Variants in UACA observed in about 807,000 individuals in gnomAD.
UACA encodes nuclear membrane binding protein.
In UACA, 112 loss-of-function variants were observed where a neutral mutation model predicts 160.5. The observed-to-expected ratio is 0.70, with a 90% CI of 0.60 to 0.82. UACA has a LOEUF of 0.82. UACA is among the 40% of genes least tolerant of loss of function. The pLI, the probability that UACA is intolerant of heterozygous loss-of-function variation, is 0.00. For missense variants in UACA, 1,574 were observed against 1,614.6 expected, an observed-to-expected ratio of 0.97 and a Z score of 0.43; for synonymous variants, 557 against 568.4, an observed-to-expected ratio of 0.98 and a Z score of 0.29.
intron 2 of UACA, among the ~76,000 whole-genome samples, chr15:70,695,417 G>A (rs1898095518): frequency 6.6e-6 from 1 of 151,660 alleles, no homozygotes; most frequent in Admixed American, 6.6e-5. Context: ...AAGCATTGCT[G>A]CTTGGATCTT....
intron 1 of UACA, among the ~76,000 whole-genome samples, chr15:70,724,088 T>C (rs895621435): frequency 7.2e-5 from 11 of 152,216 alleles, no homozygotes; most frequent in Non-Finnish European, 2.9e-5. Flanking sequence ...TCCCCCCACT[T>C]TTCTGTCTAC....
chr15:70,762,519 G>A (rs2030828080), intron 1 of UACA, among the ~76,000 whole-genome samples: 1 of 152,168 alleles, frequency 6.6e-6, no homozygotes, highest in African/African-American at 2.4e-5. Flanking sequence ...CGGTCAGGCT[G>A]TTTCTCAAGA....
chr15:70,657,117 T>C lies in UACA; in HGVS notation c.4190A>G (p.Asp1397Gly). 1.2e-6 allele frequency: 2 copies of C among 1,614,064 alleles called. No homozygotes were observed. Among genetic ancestry groups the C allele is most frequent in the Non-Finnish European group, 1.7e-6 (2 of 1,179,928 alleles). Residue 1397 changes from aspartate (D) to glycine (G), a missense_variant, in exon 19 of 19, where the codon GAT becomes GGT. Physicochemically the swap from Asp to Gly is moderately conservative, Grantham distance 94. Coordinates refer to ENST00000322954, the MANE Select transcript of UACA (RefSeq NM_018003.4). ...GAGCAGAGCCTCCTGAACATCTTCA[T>C]CCATGTGACCCTTCGGAGAAAGAAG... The part of the protein sequence containing the change: ...HLLSAAQGHM[D>G]EDVQEALLQI...
At chr15:70,719,191 T>TA (rs989878894) in intron 1 of UACA, among the ~76,000 whole-genome samples, 1 of 151,586 alleles carries the variant, frequency 6.6e-6, no homozygotes, top group Non-Finnish European at 1.5e-5. Context: ...CAAGTAAGGA[T>TA]AAAAAAAGAG....
At chr15:70,711,157 C>A (rs1243199503) in intron 1 of UACA, among the ~76,000 whole-genome samples, 1 of 152,140 alleles carries the variant, frequency 6.6e-6, no homozygotes, top group Non-Finnish European at 1.5e-5. Context: ...TTTCTTGTTA[C>A]ATCATAATAT....
chr15:70,660,279 A>G (rs1176098372), intron 17 of UACA, 63 bp from the exon 18 acceptor site: 4 of 1,367,000 alleles, frequency 2.9e-6, no homozygotes, highest in African/African-American at 2.9e-5. Context: ...ACTTTGGACA[A>G]TGCTCAGGCT....
At chr15:70,768,688 T>C in the UACA span, among the ~76,000 whole-genome samples, 1 of 152,212 alleles carries the variant, frequency 6.6e-6, no homozygotes, top group Non-Finnish European at 1.5e-5. Flanking sequence ...GACTCCATAG[T>C]AAACTTTCCT....
In UACA at chr15:70,656,270, A is replaced by C. The variant is rs1198725509; in HGVS notation, c.*786T>G. 6.6e-6 allele frequency: 1 copy of C among 152,184 alleles called. No homozygotes were observed. Among genetic ancestry groups the C allele is most frequent in the Non-Finnish European group, 1.5e-5 (1 of 68,016 alleles). 9.4% of individuals were successfully genotyped at this position (152,184 alleles called of 1,614,324 possible). A position where few individuals can be genotyped will look rare whatever the true frequency, so the allele number is the denominator to read the frequency against. On this transcript the variant is annotated 3_prime_UTR_variant, in exon 19 of 19. Transcript: ENST00000322954. ...CGAATGTCAAACTAATTGCTAAAAA[A>C]AGTCTAAAGGTTTTCACACTTTGAA...
At chr15:70,746,662 C>T (rs1021633813) in intron 1 of UACA, among the ~76,000 whole-genome samples, 4 of 152,014 alleles carry the variant, frequency 2.6e-5, no homozygotes, top group South Asian at 2.1e-4. Context: ...TAAATCATTC[C>T]ACTATAAAGA....
intron 16 of UACA, 173 bp from the exon 17 acceptor site, chr15:70,664,987 T>C (rs537855165): frequency 6.4e-6 from 3 of 467,522 alleles, no homozygotes; most frequent in South Asian, 1.1e-4. Flanking sequence ...ATGTAATTTA[T>C]AATTAAATCC....
chr15:70,771,398 T>A, the UACA span, among the ~76,000 whole-genome samples: 1 of 152,264 alleles, frequency 6.6e-6, no homozygotes, highest in Non-Finnish European at 1.5e-5. Context: ...GCTTTCCTGC[T>A]GCTACATTCT....
chr15:70,718,423 T>C (rs909227098), intron 1 of UACA, among the ~76,000 whole-genome samples: 2 of 150,030 alleles, frequency 1.3e-5, no homozygotes, highest in African/African-American at 4.9e-5. Flanking sequence ...CCATGTGATA[T>C]GTTTGGCCAA....
At chr15:70,750,170 T>C (rs904821499) in intron 1 of UACA, among the ~76,000 whole-genome samples, 1 of 152,158 alleles carries the variant, frequency 6.6e-6, no homozygotes, top group East Asian at 1.9e-4. Flanking sequence ...AATTCTTGCC[T>C]ATAATATTTC....
intron 12 of UACA, 94 bp downstream of exon 12, chr15:70,677,014 G>C: frequency 2.2e-6 from 2 of 906,342 alleles, no homozygotes; most frequent in South Asian, 3.5e-5. Context: ...TAGAATCCTG[G>C]TCTCTATCTC....
At chr15:70,700,977 A>G (rs1898338277) in intron 1 of UACA, among the ~76,000 whole-genome samples, 1 of 152,120 alleles carries the variant, frequency 6.6e-6, no homozygotes, top group South Asian at 2.1e-4. Context: ...CAAAAAAGAA[A>G]AGTTAAAAAA....
chr15:70,735,704 G>A (rs1295141526), intron 1 of UACA, among the ~76,000 whole-genome samples: 3 of 152,126 alleles, frequency 2.0e-5, no homozygotes, highest in Non-Finnish European at 4.4e-5. Flanking sequence ...TTGAGACAGG[G>A]TCTTGCTCTG....
chr15:70,669,925 C>T (rs1595874739), intron 15 of UACA, among the ~76,000 whole-genome samples: 1 of 152,170 alleles, frequency 6.6e-6, no homozygotes, highest in East Asian at 1.9e-4. Flanking sequence ...CAGATAATTT[C>T]ATAGAATTAT....
At chr15:70,722,303 G>A (rs1899016544) in intron 1 of UACA, among the ~76,000 whole-genome samples, 1 of 151,134 alleles carries the variant, frequency 6.6e-6, no homozygotes, top group African/African-American at 2.4e-5. Flanking sequence ...AGAGGGAAAA[G>A]ACAATCTAGC....
intron 1 of UACA, among the ~76,000 whole-genome samples, chr15:70,728,454 T>C (rs1899213946): frequency 6.6e-6 from 1 of 150,512 alleles, no homozygotes; most frequent in South Asian, 2.1e-4. Flanking sequence ...CCCCAGCTAC[T>C]CAGGAGGCTG....
Sources: gnomAD v4.1 joint callset for allele counts (sites outside exome capture counted in the v4.1 genomes callset) on GRCh38, gnomAD v4.1.1 for gene constraint, MANE v1.5 for transcripts, NCBI Gene and HGNC (gene_info 2026-07-23, HGNC 2026-07-21) for gene names.